Variants in MAP3K1 observed in about 807,000 individuals in gnomAD.
MAP3K1 encodes mitogen-activated protein kinase kinase kinase 1, also known as MAP/ERK kinase kinase 1.
Under a neutral mutation model 144.2 loss-of-function variants are expected in MAP3K1, and 36 were observed. That is an observed-to-expected ratio of 0.25 (90% CI 0.19 to 0.33). MAP3K1 has a LOEUF of 0.33. Among genes scored for constraint, MAP3K1 ranks in the 10% least tolerant of loss-of-function variants. The probability of loss-of-function intolerance (pLI) is 1.00; values close to 1 mark genes in which losing one functional copy is unlikely to be tolerated. For missense variants in MAP3K1, 1,650 were observed against 1,881.9 expected (o/e 0.88, Z 2.28); for synonymous variants, 718 against 688.7 (o/e 1.04, Z -0.67).
At chr5:56,847,083 T>C (rs1171128735) in intron 1 of MAP3K1, among the ~76,000 whole-genome samples, 3 of 152,206 alleles carry the variant, frequency 2.0e-5, no homozygotes, top group African/African-American at 7.2e-5. Context: ...ACTAGGCAGG[T>C]GTAAAGAGAT....
chr5:56,891,127 AAC>A (rs1748535580), intron 19 of MAP3K1, among the ~76,000 whole-genome samples: 1 of 87,508 alleles, frequency 1.1e-5, no homozygotes, highest in South Asian at 4.8e-4. Flanking sequence ...TCCTCCACAA[AAC>A]ACACACAGAC....
chr5:56,834,372 C>T (rs1188966363), intron 1 of MAP3K1, among the ~76,000 whole-genome samples: 1 of 152,168 alleles, frequency 6.6e-6, no homozygotes, highest in Non-Finnish European at 1.5e-5. Context: ...TCATAAGAAA[C>T]TCTTGGAGGA....
chr5:56,859,289 A>G lies in MAP3K1; in HGVS notation c.634-426A>G, dbSNP rs1284966596. Among the ~76,000 whole-genome samples the G allele has an allele frequency of 2.6e-5, 4 of 152,138 alleles. No individual in the cohort carries two copies. In the East Asian group the frequency reaches 7.7e-4, roughly 29 times the overall value. ...TTGTTTCAAGGTCCTACATTTTGTA[A>G]AAACAAATAAAAACGTACCTAGATC... On this transcript the variant is annotated intron_variant, in intron 2 of 19. Transcript: ENST00000399503.
intron 1 of MAP3K1, among the ~76,000 whole-genome samples, chr5:56,824,719 T>C (rs1410336333): frequency 6.6e-6 from 1 of 152,240 alleles, no homozygotes; most frequent in Non-Finnish European, 1.5e-5. Flanking sequence ...CTAACTGTTC[T>C]GTAAGATGTA....
intron 11 of MAP3K1, 48 bp from the exon 12 acceptor site, chr5:56,880,663 T>C: frequency 8.1e-7 from 1 of 1,231,850 alleles, no homozygotes; most frequent in Non-Finnish European, 1.2e-6. Context: ...TATTGTATAG[T>C]GTTTTAGCCA....
intron 1 of MAP3K1, among the ~76,000 whole-genome samples, chr5:56,838,539 GTT>G (rs1460714434): frequency 1.3e-5 from 2 of 152,236 alleles, no homozygotes; most frequent in Non-Finnish European, 2.9e-5. Context: ...AGGACAGGAT[GTT>G]AGAGTTAATG....
rs1056514656 is a variant in MAP3K1, at chr5:56,894,673, A to G, written c.*993A>G. On this transcript the variant is annotated 3_prime_UTR_variant, in exon 20 of 20. Transcript: ENST00000399503. ...AACATTTAAGTCTTACTCTGTATGTAACAATCCATCATTCACCTTCACTAC... is the reference window on the plus strand; with the variant it reads ...AACATTTAAGTCTTACTCTGTATGTGACAATCCATCATTCACCTTCACTAC... The G allele has an allele frequency of 4.3e-6, 1 of 232,288 alleles. No individual in the cohort carries two copies. The highest frequency in any genetic ancestry group is 8.5e-6 in the Non-Finnish European group (1 of 117,550). The allele number at this position is 232,288 out of a possible 1,614,324, so 14.4% of individuals were successfully genotyped here.
At chr5:56,848,188 A>T (rs183117052) in intron 1 of MAP3K1, among the ~76,000 whole-genome samples, 1 of 152,064 alleles carries the variant, frequency 6.6e-6, no homozygotes, top group Non-Finnish European at 1.5e-5. Context: ...ATTCCCTCTT[A>T]TTATAGTTAG....
intron 1 of MAP3K1, among the ~76,000 whole-genome samples, chr5:56,824,858 T>A (rs1436628515): frequency 6.6e-6 from 1 of 152,186 alleles, no homozygotes; most frequent in Non-Finnish European, 1.5e-5. Context: ...ACCTGAGTCA[T>A]TTTATACCTT....
At chr5:56,849,754 G>A (rs1561178566) in intron 1 of MAP3K1, among the ~76,000 whole-genome samples, 1 of 151,320 alleles carries the variant, frequency 6.6e-6, no homozygotes. Flanking sequence ...GATAAAGATG[G>A]TTTGGTTTTG....
intron 1 of MAP3K1, among the ~76,000 whole-genome samples, chr5:56,845,752 C>T (rs750999164): frequency 6.6e-6 from 1 of 152,202 alleles, no homozygotes; most frequent in African/African-American, 2.4e-5. Flanking sequence ...GGTTTTTCCT[C>T]AAGTACCAAG....
At chr5:56,887,771 T>C in intron 18 of MAP3K1, 1 of 506,462 alleles carries the variant, frequency 2.0e-6, no homozygotes, top group South Asian at 2.1e-5. Flanking sequence ...TGGGGTAATT[T>C]ATAGCAGTTG....
Position 56,875,126 on chromosome 5 carries a change from C to T in MAP3K1, c.1781C>T (p.Ala594Val), listed in dbSNP as rs2111920724. The change falls in exon 10 of 20, where the codon GCC (alanine) becomes GTC (valine). Residue 594 changes from alanine (A) to valine (V), a missense_variant. Transcript: ENST00000399503. ...LRRLSHDVSG[A>V]LLLANGESTG... ...CGTCTTTCCCATGATGTCAGTGGGG[C>T]CCTGCTGTTGGCAAATGGGGAGAGC... The T allele has an allele frequency of 6.2e-7, 1 of 1,614,120 alleles. No individual in the cohort carries two copies. The highest frequency in any genetic ancestry group is 1.1e-5 in the South Asian group (1 of 91,086).
chr5:56,829,714 G>A (rs959653200), intron 1 of MAP3K1, among the ~76,000 whole-genome samples: 33 of 152,284 alleles, frequency 2.2e-4, no homozygotes, highest in African/African-American at 7.5e-4. Flanking sequence ...TCCAGATAAG[G>A]CTGTGATCAG....
At position 56,827,875 on chromosome 5, in the gene MAP3K1, A is replaced by AT. The variant is rs978049505; in HGVS notation, c.482+11820_482+11821insT. Among the ~76,000 whole-genome samples, 6 of 151,908 alleles carry AT rather than the reference A, an allele frequency of 3.9e-5. No individual in the cohort carries two copies. In the East Asian group the frequency reaches 7.7e-4, roughly 20 times the overall value. On this transcript the variant is annotated intron_variant, in intron 1 of 19. Coordinates refer to ENST00000399503, the MANE Select transcript of MAP3K1 (RefSeq NM_005921.2). ...CGAAAACTCCATCTCAAAAAAAAAA[A>AT]AGAACCTGGGCCCTAGGAATTAGAC...
At chr5:56,875,716 G>C (rs1012186104) in intron 10 of MAP3K1, among the ~76,000 whole-genome samples, 7 of 149,244 alleles carry the variant, frequency 4.7e-5, no homozygotes, top group African/African-American at 1.8e-4. Context: ...AAACAAAACA[G>C]AACAACAACA....
At chr5:56,837,256 T>G (rs1205299241) in intron 1 of MAP3K1, among the ~76,000 whole-genome samples, 1 of 152,134 alleles carries the variant, frequency 6.6e-6, no homozygotes, top group African/African-American at 2.4e-5. Flanking sequence ...TCAAGGCATT[T>G]TATTCCTACT....
chr5:56,864,800 C>T lies in MAP3K1; in HGVS notation c.901C>T (p.Pro301Ser). 1 of 1,614,104 alleles carries T rather than the reference C, an allele frequency of 6.2e-7. No homozygotes were observed. Residue 301 changes from proline to serine, a missense_variant, in exon 4 of 20, where the codon CCT (proline) becomes TCT (serine). By Grantham distance (74) the Pro-to-Ser change is moderately conservative. Coordinates refer to ENST00000399503, the MANE Select transcript of MAP3K1 (RefSeq NM_005921.2). Reference sequence around the variant, plus strand: ...ACCAGATGGCTTCTCACCATATAGCCCTGAGGAAACAAACCGCCGTGTTAA... The same window carrying T: ...ACCAGATGGCTTCTCACCATATAGCTCTGAGGAAACAAACCGCCGTGTTAA... ...PSPDGFSPYS[P>S]EETNRRVNKV... is the part of the protein sequence containing the mutation.
chr5:56,877,179 C>G, intron 10 of MAP3K1, among the ~76,000 whole-genome samples: 1 of 152,178 alleles, frequency 6.6e-6, no homozygotes, highest in Admixed American at 6.5e-5. Context: ...GACCAATTGG[C>G]CCAATATTTT....
Sources: allele counts gnomAD v4.1 joint callset (sites outside exome capture counted in the v4.1 genomes callset), GRCh38; gene constraint gnomAD v4.1.1; transcripts MANE v1.5; gene names NCBI Gene and HGNC (gene_info 2026-07-23, HGNC 2026-07-21).